The following ROBO1 variants were observed in gnomAD, a reference collection of about 807,000 sequenced individuals.
ROBO1 encodes the protein roundabout homolog 1.
Under a neutral mutation model 195.9 loss-of-function variants are expected in ROBO1, and 149 were observed. The ratio of observed to expected loss-of-function variants is 0.76; its 90% CI spans 0.67 to 0.87. ROBO1 has a LOEUF of 0.87. ROBO1 is among the 40% of genes least tolerant of loss of function. The pLI, the probability that ROBO1 is intolerant of heterozygous loss-of-function variation, is 0.00. For missense variants in ROBO1, 1,933 were observed against 2,068.3 expected, an observed-to-expected ratio of 0.93 and a Z score of 1.27; for synonymous variants, 816 against 733.2, an observed-to-expected ratio of 1.11 and a Z score of -1.82.
chr3:79,174,798 GTGAA>G (rs1305486256), intron 2 of ROBO1, among the ~76,000 whole-genome samples: 12 of 150,700 alleles, frequency 8.0e-5, no homozygotes, highest in African/African-American at 2.9e-4. Context: ...GGAGCTTGCA[GTGAA>G]TGGAGATTGC....
At chr3:79,100,461 C>A (rs1307007953) in intron 3 of ROBO1, among the ~76,000 whole-genome samples, 1 of 151,262 alleles carries the variant, frequency 6.6e-6, no homozygotes, top group Non-Finnish European at 1.5e-5. Context: ...GAAGAGTGAG[C>A]AGGTTAGGAA....
intron 2 of ROBO1, among the ~76,000 whole-genome samples, chr3:79,416,173 G>T (rs1218576000): frequency 6.6e-6 from 1 of 151,914 alleles, no homozygotes; most frequent in African/African-American, 2.4e-5. Context: ...AACCACGATG[G>T]CTACAAAATG....
intron 4 of ROBO1, among the ~76,000 whole-genome samples, chr3:78,816,428 C>G (rs2029911112): frequency 1.3e-5 from 2 of 152,138 alleles, no homozygotes; most frequent in South Asian, 4.1e-4. Context: ...TAACACAACA[C>G]CCATTCTATA....
intron 1 of ROBO1, among the ~76,000 whole-genome samples, chr3:79,739,618 T>TG (rs1703538761): frequency 6.6e-6 from 1 of 152,148 alleles, no homozygotes; most frequent in Non-Finnish European, 1.5e-5. Context: ...TAGAAATATA[T>TG]GAAACAGAAG....
intron 2 of ROBO1, among the ~76,000 whole-genome samples, chr3:79,460,860 G>A (rs1168630517): frequency 6.6e-6 from 1 of 151,938 alleles, no homozygotes; most frequent in Non-Finnish European, 1.5e-5. Flanking sequence ...CCATTCTCCT[G>A]CCTCAACCTC....
intron 2 of ROBO1, among the ~76,000 whole-genome samples, chr3:79,217,483 C>G (rs1005839138): frequency 1.3e-5 from 2 of 151,920 alleles, no homozygotes; most frequent in Non-Finnish European, 2.9e-5. Context: ...GCTTTGCTGC[C>G]TTGCCTAACT....
intron 2 of ROBO1, among the ~76,000 whole-genome samples, chr3:79,539,206 G>A (rs1391624017): frequency 6.6e-6 from 1 of 152,120 alleles, no homozygotes; most frequent in Non-Finnish European, 1.5e-5. Context: ...TCTGTTCAAA[G>A]GAGAAGTGCA....
chr3:79,689,890 TATTAAGA>T (rs905231964), intron 1 of ROBO1, among the ~76,000 whole-genome samples: 1 of 151,980 alleles, frequency 6.6e-6, no homozygotes, highest in African/African-American at 2.4e-5. Flanking sequence ...CCTAAAATCT[TATTAAGA>T]ATTGATTATA....
intron 3 of ROBO1, among the ~76,000 whole-genome samples, chr3:78,960,531 A>C (rs1323368630): frequency 6.6e-6 from 1 of 152,092 alleles, no homozygotes; most frequent in Non-Finnish European, 1.5e-5. Context: ...CTGTAATCGC[A>C]GCACTTTGGG....
chr3:79,342,300 G>A (rs1385568260), intron 2 of ROBO1, among the ~76,000 whole-genome samples: 3 of 152,166 alleles, frequency 2.0e-5, no homozygotes, highest in African/African-American at 7.2e-5. Flanking sequence ...GATAACTGTA[G>A]CAAAAAGAGA....
chr3:79,610,417 C>T (rs971286609), intron 1 of ROBO1, among the ~76,000 whole-genome samples: 17 of 151,694 alleles, frequency 1.1e-4, no homozygotes, highest in African/African-American at 9.7e-5. Flanking sequence ...TGTACTGTTC[C>T]GGGGTAACTG....
chr3:78,785,983 A>G (rs2083821089), intron 4 of ROBO1, among the ~76,000 whole-genome samples: 1 of 152,216 alleles, frequency 6.6e-6, no homozygotes, highest in Admixed American at 6.5e-5. Context: ...ACCAATAAAA[A>G]CAGCTAGTTG....
At chr3:79,422,592 A>T (rs2106946227) in intron 2 of ROBO1, among the ~76,000 whole-genome samples, 1 of 152,272 alleles carries the variant, frequency 6.6e-6, no homozygotes, top group Middle Eastern at 3.4e-3. Context: ...AGAGAATAGC[A>T]AAAAGGAAAT....
chr3:79,533,555 G>A (rs1443328375), intron 2 of ROBO1, among the ~76,000 whole-genome samples: 1 of 151,808 alleles, frequency 6.6e-6, no homozygotes, highest in Non-Finnish European at 1.5e-5. Flanking sequence ...TACTTTTGTG[G>A]GCTCTAGAAA....
At chr3:79,648,944 G>T (rs967563810) in intron 1 of ROBO1, among the ~76,000 whole-genome samples, 1 of 152,050 alleles carries the variant, frequency 6.6e-6, no homozygotes, top group African/African-American at 2.4e-5. Context: ...GAAAATAGTT[G>T]TCAACCTGGT....
chr3:79,066,460 AC>A (rs2108421266), intron 3 of ROBO1, among the ~76,000 whole-genome samples: 1 of 152,064 alleles, frequency 6.6e-6, no homozygotes, highest in East Asian at 1.9e-4. Flanking sequence ...CTACTCTGGT[AC>A]TTTTAGTCGA....
intron 1 of ROBO1, among the ~76,000 whole-genome samples, chr3:79,657,588 T>C (rs1270895790): frequency 6.6e-6 from 1 of 152,090 alleles, no homozygotes; most frequent in Non-Finnish European, 1.5e-5. Context: ...GATTACTGAT[T>C]AAAACTAAAC....
intron 3 of ROBO1, among the ~76,000 whole-genome samples, chr3:79,115,740 T>C (rs1007378891): frequency 1.2e-4 from 18 of 152,176 alleles, no homozygotes; most frequent in African/African-American, 4.3e-4. Flanking sequence ...AAGAAACAAG[T>C]AAATTTTGTC....
At chr3:78,677,915 T>C (rs1356398601) in intron 10 of ROBO1, among the ~76,000 whole-genome samples, 26 of 151,744 alleles carry the variant, frequency 1.7e-4, no homozygotes, top group Admixed American at 5.2e-4. Context: ...ATTGACCACG[T>C]AGTTGGAAGT....
Sources: gnomAD v4.1 joint callset for allele counts (sites outside exome capture counted in the v4.1 genomes callset) on GRCh38, gnomAD v4.1.1 for gene constraint, MANE v1.5 for transcripts, NCBI Gene and HGNC (gene_info 2026-07-23, HGNC 2026-07-21) for gene names.